PARN: variants seen among roughly 807,000 people sequenced by gnomAD.
PARN encodes poly(A)-specific ribonuclease.
PARN carries 71 observed loss-of-function variants against 102.8 expected under a neutral mutation model. The observed-to-expected ratio is 0.69, with a 90% CI of 0.57 to 0.84. The LOEUF (loss-of-function observed/expected upper bound fraction) is 0.84, where lower values mean the gene tolerates loss of function less well. Among genes scored for constraint, PARN ranks in the 40% least tolerant of loss-of-function variants. PARN has a pLI of 0.00. For missense variants in PARN, 782 were observed against 760.9 expected (o/e 1.03, Z -0.33); for synonymous variants, 261 against 252.9 (o/e 1.03, Z -0.30).
In PARN at chr16:14,543,216, G is replaced by A. The variant is rs565686801; in HGVS notation, c.1480+8805C>T. On this transcript the variant is annotated intron_variant, in intron 21 of 23. Transcript: ENST00000437198. ...AAAAACCCAGAATTCTATATCCAGT[G>A]AAAATATCCTGTGTGAATAAAGGCA... is the stretch of plus-strand genomic sequence containing the variant. Among the ~76,000 whole-genome samples the A allele has an allele frequency of 7.2e-5, 11 of 152,220 alleles. No individual in the cohort carries two copies. In the South Asian group the frequency reaches 2.3e-3, roughly 32 times the overall value.
chr16:14,598,890 T>C (rs559892786), intron 12 of PARN, among the ~76,000 whole-genome samples: 1 of 152,162 alleles, frequency 6.6e-6, no homozygotes, highest in Non-Finnish European at 1.5e-5. Flanking sequence ...AGGTATAAGA[T>C]GATTCCTTCT....
chr16:14,463,565 A>C (rs916246185), intron 22 of PARN, among the ~76,000 whole-genome samples: 1 of 152,142 alleles, frequency 6.6e-6, no homozygotes, highest in Non-Finnish European at 1.5e-5. Flanking sequence ...ACTGCACTCC[A>C]TATGTTGAAA....
At chr16:14,604,301 C>T (rs981659336) in intron 10 of PARN, 75 bp from the exon 11 acceptor site, 73 of 949,794 alleles carry the variant, frequency 7.7e-5, no homozygotes, top group Middle Eastern at 6.4e-4. Context: ...GCTCTTGTTG[C>T]TCAGGCTGGA....
intron 22 of PARN, among the ~76,000 whole-genome samples, chr16:14,461,804 C>T (rs536924803): frequency 3.3e-4 from 50 of 152,106 alleles, no homozygotes; most frequent in Admixed American, 1.3e-4. Context: ...TTTGATTATC[C>T]ATTTGAAAAG....
At chr16:14,564,434 T>G (rs1049302009) in intron 18 of PARN, among the ~76,000 whole-genome samples, 4 of 152,212 alleles carry the variant, frequency 2.6e-5, no homozygotes, top group South Asian at 4.1e-4. Flanking sequence ...GAGAGCCATG[T>G]GGCCGGAGAT....
At chr16:14,581,787 G>A (rs1352607122) in intron 17 of PARN, among the ~76,000 whole-genome samples, 1 of 152,172 alleles carries the variant, frequency 6.6e-6, no homozygotes, top group Non-Finnish European at 1.5e-5. Context: ...CAGGCACAGT[G>A]ATGCACACCA....
At chr16:14,443,000 T>G (rs1961013464) in intron 23 of PARN, among the ~76,000 whole-genome samples, 1 of 152,218 alleles carries the variant, frequency 6.6e-6, no homozygotes, top group African/African-American at 2.4e-5. Flanking sequence ...TCCTCTAAAG[T>G]CTGGATGAGT....
chr16:14,444,693 A>T (rs1961114640), intron 23 of PARN, among the ~76,000 whole-genome samples: 1 of 152,194 alleles, frequency 6.6e-6, no homozygotes, highest in Non-Finnish European at 1.5e-5. Flanking sequence ...GCTCAGTACG[A>T]TCTCTAGAAA....
intron 12 of PARN, among the ~76,000 whole-genome samples, chr16:14,593,887 C>T (rs1970350070): frequency 6.6e-6 from 1 of 151,922 alleles, no homozygotes; most frequent in Non-Finnish European, 1.5e-5. Context: ...ACTCCAGCTA[C>T]CCAGCAGGCT....
At chr16:14,630,081 C>T (rs911453321) in intron 1 of PARN, 26 bp downstream of exon 1, 2 of 1,550,562 alleles carry the variant, frequency 1.3e-6, no homozygotes, top group Non-Finnish European at 8.7e-7. Flanking sequence ...TGTGGGGAGG[C>T]GGGGAGGTGT....
chr16:14,629,592 G>A lies in PARN; in HGVS notation c.97+5C>T, dbSNP rs1046923350. ...TGCTAGCCTGAGCTTGCAAGGGAGG[G>A]ATACCTGAAAACTCCCCATCGATGG... On this transcript the variant is annotated splice_donor_5th_base_variant and intron_variant, in intron 2 of 23. Coordinates refer to ENST00000437198, the MANE Select transcript of PARN (RefSeq NM_002582.4). The A allele has an allele frequency of 1.2e-6, 2 of 1,605,368 alleles. No individual in the cohort carries two copies. The highest frequency in any genetic ancestry group is 1.1e-5 in the South Asian group (1 of 90,940).
At chr16:14,446,239 G>T (rs574005116) in intron 23 of PARN, among the ~76,000 whole-genome samples, 2 of 152,322 alleles carry the variant, frequency 1.3e-5, no homozygotes, top group Admixed American at 6.5e-5. Flanking sequence ...TTCAGCTCAG[G>T]CAGACCTGGG....
intron 10 of PARN, 82 bp downstream of exon 10, chr16:14,606,402 A>G (rs1971184878): frequency 4.0e-6 from 3 of 753,992 alleles, no homozygotes; most frequent in Middle Eastern, 2.6e-4. Context: ...TGAGGGAAAA[A>G]AAAAAAGAAA....
Position 14,436,587 on chromosome 16 carries a change from G to A in PARN, c.*130C>T, listed in dbSNP as rs1960707595. ...AATAAAACCTGTTTTCTCCCCCCCAGGAGACAACTTGGTTTCCAACCCCTC... is the reference window on the plus strand; with the variant it reads ...AATAAAACCTGTTTTCTCCCCCCCAAGAGACAACTTGGTTTCCAACCCCTC... On this transcript the variant is annotated 3_prime_UTR_variant, in exon 24 of 24. Transcript: ENST00000437198. 3.0e-6 allele frequency: 2 copies of A among 658,932 alleles called. No individual in the cohort carries two copies. Among genetic ancestry groups the A allele is most frequent in the Non-Finnish European group, 5.4e-6 (2 of 371,012 alleles). 40.8% of individuals were successfully genotyped at this position (658,932 alleles called of 1,614,324 possible). A position where few individuals can be genotyped will look rare whatever the true frequency, so the allele number is the denominator to read the frequency against.
At chr16:14,494,265 A>G (rs1181484810) in intron 21 of PARN, among the ~76,000 whole-genome samples, 1 of 152,210 alleles carries the variant, frequency 6.6e-6, no homozygotes, top group African/African-American at 2.4e-5. Context: ...ATTCATGAAC[A>G]AACTATCTTC....
At chr16:14,516,333 A>C (rs1965454356) in intron 21 of PARN, among the ~76,000 whole-genome samples, 1 of 152,190 alleles carries the variant, frequency 6.6e-6, no homozygotes, top group African/African-American at 2.4e-5. Context: ...ATTACAACTC[A>C]AGAAAACTTT....
At chr16:14,588,606 G>C (rs1250047884) in intron 13 of PARN, among the ~76,000 whole-genome samples, 1 of 152,062 alleles carries the variant, frequency 6.6e-6, no homozygotes, top group African/African-American at 2.4e-5. Flanking sequence ...GGCTGGGAGC[G>C]GGTGGCTCAT....
At chr16:14,505,838 A>T (rs1964867622) in intron 21 of PARN, among the ~76,000 whole-genome samples, 2 of 152,346 alleles carry the variant, frequency 1.3e-5, no homozygotes, top group Admixed American at 1.3e-4. Flanking sequence ...CCTTGCACAA[A>T]GAGGTCACAA....
intron 18 of PARN, chr16:14,578,453 G>C (rs34664657): frequency 6.6e-6 from 1 of 150,994 alleles, no homozygotes; most frequent in Non-Finnish European, 1.5e-5. Flanking sequence ...TCAGGAGTTC[G>C]AGACCAGCCT....
Sources: gnomAD v4.1 joint callset for allele counts (sites outside exome capture counted in the v4.1 genomes callset) on GRCh38, gnomAD v4.1.1 for gene constraint, MANE v1.5 for transcripts, NCBI Gene and HGNC (gene_info 2026-07-23, HGNC 2026-07-21) for gene names.